The following RBFOX1 variants were observed in gnomAD, a reference collection of about 807,000 sequenced individuals.
RBFOX1 encodes RNA binding fox-1 homolog 1.
In RBFOX1, 8 loss-of-function variants were observed where a neutral mutation model predicts 57.7. That is an observed-to-expected ratio of 0.14 (90% CI 0.08 to 0.25). The LOEUF (loss-of-function observed/expected upper bound fraction) is 0.25, where lower values mean the gene tolerates loss of function less well. RBFOX1 is among the 10% of genes least tolerant of loss of function. The pLI is 1.00. For missense variants in RBFOX1, 611 were observed against 548.5 expected, an observed-to-expected ratio of 1.11 and a Z score of -1.14; for synonymous variants, 326 against 222.4, an observed-to-expected ratio of 1.47 and a Z score of -4.15.
chr16:6,441,054 T>G (rs989711681), intron 2 of RBFOX1, among the ~76,000 whole-genome samples: 2 of 151,970 alleles, frequency 1.3e-5, no homozygotes. Context: ...GGATGTTGAG[T>G]GCACCGTCCA....
Position 6,783,173 on chromosome 16 carries a change from A to G in RBFOX1, c.-16+128523A>G, listed in dbSNP as rs534939232. 4.7e-3 allele frequency among the ~76,000 whole-genome samples: 566 copies of G among 121,494 alleles called. 5 individuals are homozygous for G. Among genetic ancestry groups the G allele is most frequent in the African/African-American group, 0.018 (540 of 30,576 alleles). 79.7% of individuals were successfully genotyped at this position (121,494 alleles called of 152,430 possible). ...AGGCAGCATATAGTTGGGTCTTTTT[A>G]AAAAAAAATTTATTCAGCTAGTCTG... is the stretch of plus-strand genomic sequence containing the variant. On this transcript the variant is annotated intron_variant, in intron 3 of 15. Coordinates refer to ENST00000550418, the MANE Select transcript of RBFOX1 (RefSeq NM_018723.4).
chr16:7,447,802 G>T (rs1217806040), intron 4 of RBFOX1, among the ~76,000 whole-genome samples: 1 of 152,198 alleles, frequency 6.6e-6, no homozygotes, highest in Non-Finnish European at 1.5e-5. Context: ...GTCTTGTTAT[G>T]GGAAAGCAGG....
At chr16:6,518,243 T>A (rs1216471034) in intron 2 of RBFOX1, among the ~76,000 whole-genome samples, 2 of 152,176 alleles carry the variant, frequency 1.3e-5, no homozygotes, top group Admixed American at 1.3e-4. Context: ...CCAAACACCA[T>A]GTACCATTTA....
At chr16:7,048,298 C>A (rs1455815522) in intron 3 of RBFOX1, among the ~76,000 whole-genome samples, 1 of 151,990 alleles carries the variant, frequency 6.6e-6, no homozygotes, top group Non-Finnish European at 1.5e-5. Flanking sequence ...CTTGCTCTGT[C>A]TCCCAGGCTA....
At chr16:7,434,315 C>CA (rs1567148685) in intron 4 of RBFOX1, among the ~76,000 whole-genome samples, 1 of 151,790 alleles carries the variant, frequency 6.6e-6, no homozygotes, top group Admixed American at 6.6e-5. Context: ...ACTAAAAATA[C>CA]AAAAAAATTA....
At chr16:5,715,378 C>T (rs1391389427) in intron 3 of RBFOX1, among the ~76,000 whole-genome samples, 1 of 152,184 alleles carries the variant, frequency 6.6e-6, no homozygotes, top group Non-Finnish European at 1.5e-5. Flanking sequence ...ATATTGTCCA[C>T]ACTTACTCAA....
At chr16:7,560,985 T>C (rs1394537080) in intron 5 of RBFOX1, among the ~76,000 whole-genome samples, 1 of 152,212 alleles carries the variant, frequency 6.6e-6, no homozygotes. Context: ...CCTGTGACTG[T>C]GTGGTTTATT....
intron 2 of RBFOX1, among the ~76,000 whole-genome samples, chr16:6,350,764 C>A (rs11642666): frequency 2.0e-5 from 3 of 152,084 alleles, no homozygotes; most frequent in African/African-American, 7.2e-5. Context: ...GGCATTAATT[C>A]TGTTTTATTA....
In RBFOX1 at chr16:6,019,970, G is replaced by T. The variant is rs1305672826; in HGVS notation, c.-149G>T. Reference sequence around the variant, plus strand: ...GTCTGGGGCCGAGAACGTGACCGCAGCCGGGCTCGCCGGGAGTTCTAGGTA... The same window carrying T: ...GTCTGGGGCCGAGAACGTGACCGCATCCGGGCTCGCCGGGAGTTCTAGGTA... On this transcript the variant is annotated 5_prime_UTR_variant, in exon 1 of 16. Transcript: ENST00000550418. This position sits in a 1 kb window ranked among gnomAD's most constrained non-coding sequence, Gnocchi z 4.2. 6.5e-7 allele frequency: 1 copy of T among 1,530,436 alleles called. No individual in the cohort carries two copies. The highest frequency in any genetic ancestry group is 8.7e-7 in the Non-Finnish European group (1 of 1,143,438). 94.8% of individuals were successfully genotyped at this position (1,530,436 alleles called of 1,614,324 possible).
In RBFOX1 at chr16:7,144,556, C is replaced by G. The variant is rs78588648; in HGVS notation, c.27+92458C>G. On this transcript the variant is annotated intron_variant, in intron 4 of 15. Coordinates refer to ENST00000550418, the MANE Select transcript of RBFOX1 (RefSeq NM_018723.4). ...GTTCCTGCCTCAGCCGCAAAAAGAGCTGGAATTACATGCATGAGCTACTGC... is the reference window on the plus strand; with the variant it reads ...GTTCCTGCCTCAGCCGCAAAAAGAGGTGGAATTACATGCATGAGCTACTGC... Among the ~76,000 whole-genome samples the G allele has an allele frequency of 7.5e-3, 1,138 of 151,112 alleles. 15 individuals are homozygous for G. Among genetic ancestry groups the G allele is most frequent in the African/African-American group, 0.026 (1,071 of 41,152 alleles).
intron 4 of RBFOX1, among the ~76,000 whole-genome samples, chr16:7,371,870 T>G (rs2097572832): frequency 6.6e-6 from 1 of 151,850 alleles, no homozygotes. Flanking sequence ...GACTTTATCT[T>G]GCTTAATTTC....
At position 5,718,750 on chromosome 16, in the gene RBFOX1, C is replaced by G. The variant is rs117224892; in HGVS notation, c.318+119789C>G. Among the ~76,000 whole-genome samples, 491 of 152,136 alleles carry G rather than the reference C, an allele frequency of 3.2e-3. 2 individuals carry two copies. The highest frequency in any genetic ancestry group is 0.01 in the African/African-American group (424 of 41,514). On this transcript the variant is annotated intron_variant, in intron 3 of 19. Coordinates refer to the RBFOX1 transcript ENST00000641259. ...GGTGGAATCCCATCTCTAATAAAAG[C>G]TACAAAAATTAGCCGGGGCATAGTC...
At chr16:5,688,533 A>G (rs2050572414) in intron 3 of RBFOX1, among the ~76,000 whole-genome samples, 1 of 152,114 alleles carries the variant, frequency 6.6e-6, no homozygotes, top group South Asian at 2.1e-4. Flanking sequence ...CCAGATGTCC[A>G]GTGATGTTCC....
chr16:7,418,100 C>T (rs991938247), intron 4 of RBFOX1, among the ~76,000 whole-genome samples: 6 of 152,142 alleles, frequency 3.9e-5, no homozygotes, highest in Admixed American at 1.3e-4. Context: ...CCCTCCATTC[C>T]TAACCTCACC....
intron 3 of RBFOX1, among the ~76,000 whole-genome samples, chr16:5,856,575 G>GTT: frequency 3.0e-5 from 1 of 32,924 alleles, no homozygotes; most frequent in Non-Finnish European, 5.7e-5. Flanking sequence ...GTGTGTGTGT[G>GTT]TATATATATA....
chr16:7,571,581 C>T lies in RBFOX1; in HGVS notation c.271-8196C>T, dbSNP rs141859348. Reference sequence around the variant, plus strand: ...GTGTTTTCTTAACATTTATAACCTGCGCCGATACCTGGGGAGTTTGTGTAT... The same window carrying T: ...GTGTTTTCTTAACATTTATAACCTGTGCCGATACCTGGGGAGTTTGTGTAT... On this transcript the variant is annotated intron_variant, in intron 5 of 15. Transcript: ENST00000550418. Among the ~76,000 whole-genome samples the T allele has an allele frequency of 1.8e-3, 270 of 152,242 alleles. 1 individual carries two copies. Among genetic ancestry groups the T allele is most frequent in the Middle Eastern group, 3.4e-3 (1 of 292 alleles).
chr16:7,489,151 T>C (rs1017924903), intron 4 of RBFOX1, among the ~76,000 whole-genome samples: 2 of 152,214 alleles, frequency 1.3e-5, no homozygotes, highest in Non-Finnish European at 2.9e-5. Context: ...CCTCTGTCTG[T>C]CTCTGTTTCA....
chr16:6,537,379 T>C (rs2096749709), intron 2 of RBFOX1, among the ~76,000 whole-genome samples: 1 of 152,218 alleles, frequency 6.6e-6, no homozygotes, highest in South Asian at 2.1e-4. Context: ...TATGGATGAA[T>C]TGTGTAGGTA....
intron 3 of RBFOX1, among the ~76,000 whole-genome samples, chr16:7,009,240 T>C (rs1332985108): frequency 1.5e-5 from 2 of 131,904 alleles, no homozygotes; most frequent in East Asian, 4.1e-4. Context: ...TTTCTTCTTG[T>C]CTACTTCCTC....
Sources: gnomAD v4.1 joint callset for allele counts (sites outside exome capture counted in the v4.1 genomes callset) on GRCh38, gnomAD v4.1.1 for gene constraint, Gnocchi (gnomAD v3.1) non-coding constraint, MANE v1.5 for transcripts, NCBI Gene and HGNC (gene_info 2026-07-23, HGNC 2026-07-21) for gene names.